Variants in BMP3 observed in about 807,000 individuals in gnomAD.
BMP3 encodes the protein bone morphogenetic protein 3 (osteogenic).
In BMP3, 23 loss-of-function variants were observed where a neutral mutation model predicts 38.1. That is an observed-to-expected ratio of 0.60 (90% CI 0.43 to 0.86). The LOEUF (loss-of-function observed/expected upper bound fraction) is 0.86. Ranked by LOEUF, BMP3 falls within the 40% of genes least tolerant of loss-of-function variation. BMP3 has a pLI of 0.00. For synonymous variants in BMP3, 258 were observed against 225.7 expected, an observed-to-expected ratio of 1.14 and a Z score of -1.28; for missense variants, 628 against 579.6, an observed-to-expected ratio of 1.08 and a Z score of -0.86.
At chr4:81,048,486 T>C (rs1426804361) in intron 2 of BMP3, among the ~76,000 whole-genome samples, 3 of 152,208 alleles carry the variant, frequency 2.0e-5, no homozygotes, top group African/African-American at 4.8e-5. Flanking sequence ...GAAGCCATGA[T>C]AATGCAGAGA....
chr4:81,036,919 T>TA (rs1739939184), intron 1 of BMP3, among the ~76,000 whole-genome samples: 1 of 152,024 alleles, frequency 6.6e-6, no homozygotes. Context: ...TTTGTTTATC[T>TA]AAAACATCAG....
chr4:81,040,409 C>T (rs1382518166), intron 1 of BMP3, among the ~76,000 whole-genome samples: 1 of 152,122 alleles, frequency 6.6e-6, no homozygotes, highest in Non-Finnish European at 1.5e-5. Flanking sequence ...CTCCAGTTGC[C>T]CCAGTCCCAC....
At position 81,046,161 on chromosome 4, in the gene BMP3, C is replaced by T. The variant is rs746981136; in HGVS notation, c.740C>T (p.Ala247Val). ...TATATCTTGGTATATGCCAATGATG[C>T]CGCCATTTCTGAGCCAGAAAGTGTG... ...EPYILVYAND[A>V]AISEPESVVS... is the part of the protein sequence containing the mutation. Residue 247 changes from alanine (A) to valine (V), a missense_variant, in exon 2 of 3, where the codon GCC (alanine) becomes GTC (valine). Transcript: ENST00000282701. 3.1e-6 allele frequency: 5 copies of T among 1,614,076 alleles called. No homozygotes were observed. In the South Asian group the frequency reaches 5.5e-5, roughly 18 times the overall value.
At chr4:81,041,260 C>T (rs954827699) in intron 1 of BMP3, among the ~76,000 whole-genome samples, 1 of 152,184 alleles carries the variant, frequency 6.6e-6, no homozygotes, top group Non-Finnish European at 1.5e-5. Flanking sequence ...CCATGCTGCT[C>T]GCTTATTACA....
rs1740221433 is a variant in BMP3 at position 81,045,917 on chromosome 4, T to C, written c.496T>C (p.Ser166Pro). The C allele has an allele frequency of 6.2e-7, 1 of 1,614,144 alleles. No individual in the cohort carries two copies. Among genetic ancestry groups the C allele is most frequent in the South Asian group, 1.1e-5 (1 of 91,074 alleles). ...AQRKHIQIDL[S>P]AWTLKFSRNQ... is the part of the protein sequence containing the mutation. ...GAGGAAACACATTCAGATTGATCTT[T>C]CTGCATGGACCCTCAAATTCAGCAG... Residue 166 changes from serine (S) to proline (P), a missense_variant, in exon 2 of 3, where the codon TCT becomes CCT. Ser to Pro is a moderately conservative substitution (Grantham distance 74). Transcript: ENST00000282701.
intron 2 of BMP3, among the ~76,000 whole-genome samples, chr4:81,049,324 CTGAAAATAGG>C (rs1740344493): frequency 6.6e-6 from 1 of 152,158 alleles, no homozygotes; most frequent in African/African-American, 2.4e-5. Context: ...CATCACAAAG[CTGAAAATAGG>C]TTTCTCCCTT....
chr4:81,037,530 A>G (rs1578294376), intron 1 of BMP3: 1 of 154,980 alleles, frequency 6.5e-6, no homozygotes, highest in Admixed American at 6.5e-5. Flanking sequence ...TCACAGAAAG[A>G]TGGTGAAACT....
intron 1 of BMP3, among the ~76,000 whole-genome samples, chr4:81,035,084 G>A (rs1246126855): frequency 6.6e-6 from 1 of 152,128 alleles, no homozygotes; most frequent in African/African-American, 2.4e-5. Flanking sequence ...ATCTGGGGAA[G>A]AGGAGATGGG....
intron 2 of BMP3, among the ~76,000 whole-genome samples, chr4:81,047,307 C>A (rs6843338): frequency 6.6e-6 from 1 of 152,124 alleles, no homozygotes; most frequent in African/African-American, 2.4e-5. Flanking sequence ...TGTATCTCCT[C>A]GAAAATCCAT....
In BMP3 at chr4:81,045,916, T is replaced by C; in HGVS notation, c.495T>C (p.Leu165=). Residue 165 remains leucine (L), a synonymous_variant, in exon 2 of 3, where the codon CTT becomes CTC. Transcript: ENST00000282701. ...AGAGGAAACACATTCAGATTGATCT[T>C]TCTGCATGGACCCTCAAATTCAGCA... The part of the protein sequence containing the change: ...HAQRKHIQID[L]SAWTLKFSRN... 1 of 1,614,132 alleles carries C rather than the reference T, an allele frequency of 6.2e-7. No individual in the cohort carries two copies. The highest frequency in any genetic ancestry group is 2.2e-5 in the East Asian group (1 of 44,878).
intron 1 of BMP3, among the ~76,000 whole-genome samples, chr4:81,036,119 G>A (rs1739916986): frequency 6.6e-6 from 1 of 151,756 alleles, no homozygotes; most frequent in African/African-American, 2.4e-5. Context: ...ATATCTTTAT[G>A]AGTTCTCCTT....
intron 1 of BMP3, among the ~76,000 whole-genome samples, chr4:81,037,211 T>TCATTTTACAGTTAAACCAACTGTCCAA (rs1739946261): frequency 6.6e-6 from 1 of 152,070 alleles, no homozygotes; most frequent in South Asian, 2.1e-4. Context: ...TTCAGCCCCC[T>TCATTTTACAGTTAAACCAACTGTCCAA]CATTTTACAG....
intron 1 of BMP3, among the ~76,000 whole-genome samples, chr4:81,034,594 G>T (rs1739870791): frequency 6.6e-6 from 1 of 152,042 alleles, no homozygotes; most frequent in African/African-American, 2.4e-5. Flanking sequence ...CACACATGTT[G>T]TTAGGAAACT....
Position 81,053,650 on chromosome 4 carries a change from AT to A in BMP3, c.*116del. ...CTGCCAATGCATTTTGTTTCAAAAGATTATTTCTATAGTCAGAGGGGAATGA... is the reference window on the plus strand; with the variant it reads ...CTGCCAATGCATTTTGTTTCAAAAGATATTTCTATAGTCAGAGGGGAATGA... On this transcript the variant is annotated 3_prime_UTR_variant, in exon 3 of 3. Coordinates refer to ENST00000282701, the MANE Select transcript of BMP3 (RefSeq NM_001201.5). 1.7e-6 allele frequency: 1 copy of A among 587,584 alleles called. No homozygotes were observed. The highest frequency in any genetic ancestry group is 2.5e-6 in the Non-Finnish European group (1 of 397,392). The allele number at this position is 587,584 out of a possible 1,614,324, so 36.4% of individuals were successfully genotyped here. A position where few individuals can be genotyped will look rare whatever the true frequency, so the allele number is the denominator to read the frequency against.
chr4:81,032,346 G>A (rs1400098312), intron 1 of BMP3, among the ~76,000 whole-genome samples: 1 of 152,078 alleles, frequency 6.6e-6, no homozygotes, highest in Non-Finnish European at 1.5e-5. Flanking sequence ...CTTGGAATCT[G>A]CCCAAGAAAA....
chr4:81,037,411 A>G, intron 1 of BMP3: 1 of 234,518 alleles, frequency 4.3e-6, no homozygotes, highest in South Asian at 5.1e-5. Context: ...GTGTTAGGTG[A>G]TCTAACTTCC....
Position 81,046,641 on chromosome 4 carries a change from T to C in BMP3, c.1220T>C (p.Met407Thr). Residue 407 changes from methionine (M) to threonine (T), a missense_variant, in exon 2 of 3, where the codon ATG (methionine) becomes ACG (threonine). Physicochemically the swap from Met to Thr is moderately conservative, Grantham distance 81. Transcript: ENST00000282701. Reference protein sequence around the residue: ...YYCSGACQFPMPKSLKPSNHA... With the variant: ...YYCSGACQFPTPKSLKPSNHA... ...TGCTCTGGAGCATGCCAGTTCCCCA[T>C]GCCAAAGGTAGCCATTGTTCTCTGT... 1 of 1,609,842 alleles carries C rather than the reference T, an allele frequency of 6.2e-7. No individual in the cohort carries two copies. Among genetic ancestry groups the C allele is most frequent in the Non-Finnish European group, 8.5e-7 (1 of 1,177,572 alleles).
intron 1 of BMP3, among the ~76,000 whole-genome samples, chr4:81,035,667 T>C (rs993454424): frequency 2.6e-5 from 4 of 152,088 alleles, no homozygotes; most frequent in African/African-American, 4.8e-5. Context: ...TGAGCTCATC[T>C]CAAAACCTAT....
rs1243594733 is a variant in BMP3, at chr4:81,054,660, G to A, written c.*1124G>A. The A allele has an allele frequency of 1.3e-5, 2 of 152,270 alleles. No individual in the cohort carries two copies. The highest frequency in any genetic ancestry group is 1.3e-4 in the Admixed American group (2 of 15,284). 9.4% of individuals were successfully genotyped at this position (152,270 alleles called of 1,614,324 possible). A position where few individuals can be genotyped will look rare whatever the true frequency, so the allele number is the denominator to read the frequency against. ...TTTGGCTCAGTCACGAAATCTACAA[G>A]TTAGCAAAGCTTACAAAACATTATT... On this transcript the variant is annotated 3_prime_UTR_variant, in exon 3 of 3. Transcript: ENST00000282701.
Sources: allele counts gnomAD v4.1 joint callset (sites outside exome capture counted in the v4.1 genomes callset), GRCh38; gene constraint gnomAD v4.1.1; transcripts MANE v1.5; gene names NCBI Gene and HGNC (gene_info 2026-07-23, HGNC 2026-07-21).